RIT2: variants seen among roughly 807,000 people sequenced by gnomAD.
The protein encoded by RIT2 is GTP-binding protein Rit2.
RIT2 carries 24 observed loss-of-function variants against 23.7 expected under a neutral mutation model. The observed-to-expected ratio is 1.01, with a 90% confidence interval of 0.73 to 1.43. The LOEUF (loss-of-function observed/expected upper bound fraction) is 1.43. RIT2 is among the 40% of genes most tolerant of loss of function. The pLI is 0.00. For synonymous variants in RIT2, 107 were observed against 91.1 expected (o/e 1.17, Z -0.99); for missense variants, 236 against 266.9 (o/e 0.88, Z 0.81).
chr18:42,881,208 A>G (rs1907885386), intron 4 of RIT2, among the ~76,000 whole-genome samples: 1 of 152,212 alleles, frequency 6.6e-6, no homozygotes, highest in Admixed American at 6.5e-5. Flanking sequence ...TGAAACAAAC[A>G]AACAAACAAA....
At chr18:42,964,085 G>C (rs954362591) in intron 3 of RIT2, among the ~76,000 whole-genome samples, 2 of 151,958 alleles carry the variant, frequency 1.3e-5, no homozygotes, top group Non-Finnish European at 2.9e-5. Flanking sequence ...CAGCTACTTG[G>C]GAGGATGAGG....
intron 2 of RIT2, among the ~76,000 whole-genome samples, chr18:43,022,077 T>A (rs1487573256): frequency 6.6e-6 from 1 of 152,046 alleles, no homozygotes; most frequent in Non-Finnish European, 1.5e-5. Context: ...AATGGATGAA[T>A]GAATAAAGAA....
chr18:42,938,024 G>C (rs1373223359), intron 3 of RIT2, among the ~76,000 whole-genome samples: 1 of 152,116 alleles, frequency 6.6e-6, no homozygotes, highest in Non-Finnish European at 1.5e-5. Flanking sequence ...AGGCACAGTA[G>C]ATAAATAGAA....
intron 4 of RIT2, among the ~76,000 whole-genome samples, chr18:42,814,753 G>C (rs909711504): frequency 6.6e-6 from 1 of 152,132 alleles, no homozygotes; most frequent in Non-Finnish European, 1.5e-5. Context: ...CCTGGCAGGA[G>C]GCCAACCAGA....
At chr18:43,100,880 ATCACTGCCT>A (rs1913666791) in intron 1 of RIT2, among the ~76,000 whole-genome samples, 1 of 151,926 alleles carries the variant, frequency 6.6e-6, no homozygotes, top group African/African-American at 2.4e-5. Flanking sequence ...CCCCAGTGCC[ATCACTGCCT>A]TCTCCCTTCC....
intron 4 of RIT2, among the ~76,000 whole-genome samples, chr18:42,879,394 T>G (rs73471664): frequency 0.026 from 3,919 of 152,276 alleles, 163 homozygotes; most frequent in African/African-American, 0.087. Flanking sequence ...GAGCTGGGTA[T>G]GAATTTTATT....
intron 3 of RIT2, among the ~76,000 whole-genome samples, chr18:42,940,238 A>ATATATATATATATC (rs2144157332): frequency 9.0e-6 from 1 of 110,738 alleles, no homozygotes; most frequent in Admixed American, 8.7e-5. Flanking sequence ...AAGGCTCACT[A>ATATATATATATATC]TATATATATA....
chr18:43,028,155 A>G (rs1911775110), intron 2 of RIT2, among the ~76,000 whole-genome samples: 1 of 151,996 alleles, frequency 6.6e-6, no homozygotes, highest in Non-Finnish European at 1.5e-5. Context: ...TAGGAAATGC[A>G]CCTGTATGTT....
intron 3 of RIT2, among the ~76,000 whole-genome samples, chr18:42,927,998 C>T (rs773297406): frequency 1.8e-4 from 27 of 152,048 alleles, no homozygotes; most frequent in Non-Finnish European, 2.4e-4. Context: ...GATATGAATG[C>T]CTCACTACAT....
intron 4 of RIT2, among the ~76,000 whole-genome samples, chr18:42,819,836 G>A (rs1906098950): frequency 2.0e-5 from 3 of 151,992 alleles, no homozygotes; most frequent in Admixed American, 2.0e-4. Flanking sequence ...TACTAATGTG[G>A]GTAGAGTACA....
intron 1 of RIT2, among the ~76,000 whole-genome samples, chr18:43,034,553 A>G (rs1911932372): frequency 6.6e-6 from 1 of 152,174 alleles, no homozygotes; most frequent in African/African-American, 2.4e-5. Context: ...ACTCTGAAGC[A>G]AAACAACAAA....
At chr18:42,961,232 T>G (rs1390272227) in intron 3 of RIT2, among the ~76,000 whole-genome samples, 1 of 152,234 alleles carries the variant, frequency 6.6e-6, no homozygotes, top group African/African-American at 2.4e-5. Context: ...TCAGTTTTTT[T>G]TCTGAAGTGA....
At chr18:42,987,631 C>T (rs549690434) in intron 2 of RIT2, among the ~76,000 whole-genome samples, 1 of 152,214 alleles carries the variant, frequency 6.6e-6, no homozygotes, top group South Asian at 2.1e-4. Flanking sequence ...TTATTCATAC[C>T]ATCCCTAAAT....
intron 3 of RIT2, among the ~76,000 whole-genome samples, chr18:42,926,805 A>C (rs1909190628): frequency 6.6e-6 from 1 of 151,928 alleles, no homozygotes; most frequent in African/African-American, 2.4e-5. Context: ...TTTGTTTTGC[A>C]CCTCTCTGTA....
intron 2 of RIT2, among the ~76,000 whole-genome samples, chr18:42,999,834 C>G (rs1040348928): frequency 5.3e-5 from 8 of 152,000 alleles, no homozygotes; most frequent in African/African-American, 1.9e-4. Context: ...AACGGCAGAC[C>G]TCTTTGACTT....
chr18:43,080,896 A>C (rs1913142436), intron 1 of RIT2, among the ~76,000 whole-genome samples: 1 of 152,132 alleles, frequency 6.6e-6, no homozygotes, highest in South Asian at 2.1e-4. Context: ...TTACTATCCA[A>C]ACTAGGACAC....
chr18:43,052,987 G>A (rs1912419467), intron 1 of RIT2, among the ~76,000 whole-genome samples: 1 of 151,988 alleles, frequency 6.6e-6, no homozygotes, highest in South Asian at 2.1e-4. Context: ...GGGGCCCAGA[G>A]AGGTTTGAAA....
intron 4 of RIT2, among the ~76,000 whole-genome samples, chr18:42,801,899 A>G (rs1567999816): frequency 1.3e-5 from 2 of 152,240 alleles, no homozygotes; most frequent in African/African-American, 4.8e-5. Flanking sequence ...TTGTTGAACA[A>G]TGTACTCACA....
intron 4 of RIT2, among the ~76,000 whole-genome samples, chr18:42,912,603 A>G (rs1172970730): frequency 6.6e-6 from 1 of 151,994 alleles, no homozygotes. Flanking sequence ...ATGAATACAC[A>G]AAATGCAATT....
Sources: allele counts gnomAD v4.1 joint callset (sites outside exome capture counted in the v4.1 genomes callset), GRCh38; gene constraint gnomAD v4.1.1; transcripts MANE v1.5; gene names NCBI Gene and HGNC (gene_info 2026-07-23, HGNC 2026-07-21).